Variants in PRKN observed in about 807,000 individuals in gnomAD.
PRKN encodes the protein E3 ubiquitin-protein ligase parkin.
PRKN carries 56 observed loss-of-function variants against 59.5 expected under a neutral mutation model. That is an observed-to-expected ratio of 0.94 (90% CI 0.76 to 1.18). PRKN has a LOEUF of 1.18. Ranked by LOEUF, PRKN falls within the 50% of genes most tolerant of loss-of-function variation. The pLI is 0.00. For synonymous variants in PRKN, 250 were observed against 222.1 expected, an observed-to-expected ratio of 1.13 and a Z score of -1.12; for missense variants, 657 against 596.4, an observed-to-expected ratio of 1.10 and a Z score of -1.06.
At chr6:162,436,604 C>G (rs528080370) in intron 2 of PRKN, among the ~76,000 whole-genome samples, 1 of 142,114 alleles carries the variant, frequency 7.0e-6, no homozygotes, top group African/African-American at 2.8e-5. Flanking sequence ...GCCACTGTGC[C>G]CGATCTGGCT....
intron 9 of PRKN, among the ~76,000 whole-genome samples, chr6:161,515,869 A>C (rs1018799480): frequency 3.3e-5 from 5 of 152,214 alleles, no homozygotes; most frequent in African/African-American, 9.7e-5. Flanking sequence ...GAAAAAAAAG[A>C]GAAGCTAATG....
chr6:161,365,359 T>C (rs1785159094), intron 10 of PRKN, among the ~76,000 whole-genome samples: 1 of 152,192 alleles, frequency 6.6e-6, no homozygotes, highest in South Asian at 2.1e-4. Flanking sequence ...GGCTGAAGTT[T>C]CTGGCTCAGG....
chr6:162,653,108 T>C (rs1238662210), intron 1 of PRKN, among the ~76,000 whole-genome samples: 1 of 152,248 alleles, frequency 6.6e-6, no homozygotes, highest in Non-Finnish European at 1.5e-5. Context: ...TTTGGGTTTC[T>C]TGCTCTAGAG....
intron 1 of PRKN, among the ~76,000 whole-genome samples, chr6:162,556,030 T>C (rs1779555757): frequency 6.8e-6 from 1 of 146,970 alleles, no homozygotes; most frequent in African/African-American, 2.5e-5. Context: ...ATAACTTGAT[T>C]GAGTGAGAAG....
intron 9 of PRKN, among the ~76,000 whole-genome samples, chr6:161,539,812 T>C (rs1298785122): frequency 6.6e-6 from 1 of 152,214 alleles, no homozygotes; most frequent in Non-Finnish European, 1.5e-5. Flanking sequence ...TATGCTCATG[T>C]GCATGGATCC....
intron 6 of PRKN, among the ~76,000 whole-genome samples, chr6:161,841,052 G>A (rs1744001108): frequency 2.0e-5 from 3 of 152,198 alleles, no homozygotes; most frequent in Admixed American, 2.0e-4. Flanking sequence ...ATTTGACCCA[G>A]CAATCCCATT....
Position 161,372,458 on chromosome 6 carries a change from T to C in PRKN, c.1168-12253A>G, listed in dbSNP as rs1194429006. On this transcript the variant is annotated intron_variant, in intron 10 of 11. Transcript: ENST00000366898. The surrounding 1 kb of genome is among the most constrained non-coding windows in gnomAD (Gnocchi z 4.2). ...AGACTATTATTTTTGCTAGAGTGAATGCAGAAATATTTTCATTCAAGAAAC... is the reference window on the plus strand; with the variant it reads ...AGACTATTATTTTTGCTAGAGTGAACGCAGAAATATTTTCATTCAAGAAAC... 6.6e-6 allele frequency among the ~76,000 whole-genome samples: 1 copy of C among 152,240 alleles called. No homozygotes were observed. Among genetic ancestry groups the C allele is most frequent in the African/African-American group, 2.4e-5 (1 of 41,464 alleles).
At chr6:162,686,485 A>C (rs183675304) in intron 1 of PRKN, among the ~76,000 whole-genome samples, 2 of 152,306 alleles carry the variant, frequency 1.3e-5, no homozygotes, top group Admixed American at 6.5e-5. Flanking sequence ...CAAGGTAGGA[A>C]AACCCATTTG....
At chr6:162,684,036 G>C (rs1779874032) in intron 1 of PRKN, among the ~76,000 whole-genome samples, 1 of 152,084 alleles carries the variant, frequency 6.6e-6, no homozygotes, top group Admixed American at 6.5e-5. Flanking sequence ...AGAGTATTTT[G>C]TGCAGTTGGT....
At chr6:161,804,820 G>A (rs1791239868) in intron 6 of PRKN, among the ~76,000 whole-genome samples, 1 of 152,182 alleles carries the variant, frequency 6.6e-6, no homozygotes, top group Admixed American at 6.5e-5. Flanking sequence ...ATCTATTGCT[G>A]TCTATGAGCA....
At position 162,310,740 on chromosome 6, in the gene PRKN, A is replaced by G. The variant is rs111784126; in HGVS notation, c.172-47975T>C. Among the ~76,000 whole-genome samples the G allele has an allele frequency of 4.6e-3, 574 of 124,050 alleles. 9 individuals carry two copies. Among genetic ancestry groups the G allele is most frequent in the South Asian group, 0.036 (129 of 3,600 alleles). 81.4% of individuals were successfully genotyped at this position (124,050 alleles called of 152,430 possible). A position where few individuals can be genotyped will look rare whatever the true frequency, so the allele number is the denominator to read the frequency against. On this transcript the variant is annotated intron_variant, in intron 2 of 11. Coordinates refer to ENST00000366898, the MANE Select transcript of PRKN (RefSeq NM_004562.3). ...GCATATGTACCCTAGAACTTAAATTATAATAAAAATATATATATATAAAAA... is the reference window on the plus strand; with the variant it reads ...GCATATGTACCCTAGAACTTAAATTGTAATAAAAATATATATATATAAAAA...
At chr6:161,977,546 T>TG (rs1562433398) in intron 5 of PRKN, among the ~76,000 whole-genome samples, 1 of 146,024 alleles carries the variant, frequency 6.8e-6, no homozygotes, top group Admixed American at 6.8e-5. Context: ...TTTTTGGTTT[T>TG]TTTTTTTTTT....
rs1180523283 is a variant in PRKN at position 161,874,099 on chromosome 6, T to A, written c.735-88191A>T. Among the ~76,000 whole-genome samples the A allele has an allele frequency of 5.2e-4, 34 of 65,278 alleles. 7 individuals carry two copies. The highest frequency in any genetic ancestry group is 2.4e-3 in the African/African-American group (34 of 13,884). 42.8% of individuals were successfully genotyped at this position (65,278 alleles called of 152,430 possible). ...TATATGTAAAATATAATATATAATA[T>A]ATATTATATGTAAAATATAATATAT... is the stretch of plus-strand genomic sequence containing the variant. On this transcript the variant is annotated intron_variant, in intron 6 of 11. Transcript: ENST00000366898.
At position 161,425,321 on chromosome 6, in the gene PRKN, C is replaced by T. The variant is rs563567222; in HGVS notation, c.1084-38444G>A. 1.2e-4 allele frequency among the ~76,000 whole-genome samples: 18 copies of T among 152,306 alleles called. No homozygotes were observed. The South Asian group carries it at 1.5e-3, about 12-fold the overall frequency. On this transcript the variant is annotated intron_variant, in intron 9 of 11. Transcript: ENST00000366898. ...CTGCATTGAGGTTCTCTACTCACAG[C>T]GTTGCCTTACAACACATCAAAAATG...
At chr6:162,074,904 C>T (rs1778755958) in intron 4 of PRKN, among the ~76,000 whole-genome samples, 1 of 152,170 alleles carries the variant, frequency 6.6e-6, no homozygotes, top group Non-Finnish European at 1.5e-5. Context: ...AGGTACATCA[C>T]AGGGATAGCA....
chr6:161,598,705 C>T (rs1458675592), intron 7 of PRKN, among the ~76,000 whole-genome samples: 1 of 152,152 alleles, frequency 6.6e-6, no homozygotes, highest in African/African-American at 2.4e-5. Context: ...GGATATTTAA[C>T]AATATATGTT....
intron 9 of PRKN, among the ~76,000 whole-genome samples, chr6:161,542,894 T>A (rs568385066): frequency 8.5e-5 from 13 of 152,268 alleles, no homozygotes; most frequent in Admixed American, 3.3e-4. Context: ...TAATCTCTAG[T>A]CTTAAAAAAA....
chr6:162,092,689 T>G lies in PRKN; in HGVS notation c.535-38515A>C, dbSNP rs189179529. ...ATCTGCTGTTTTATGTTTTAATAAC[T>G]TCTATTTCTGATATTTCAAAGTGAT... On this transcript the variant is annotated intron_variant, in intron 4 of 11. Transcript: ENST00000366898. Among the ~76,000 whole-genome samples, 198 of 152,354 alleles carry G rather than the reference T, an allele frequency of 1.3e-3. 3 individuals are homozygous for G. The highest frequency in any genetic ancestry group is 4.5e-3 in the African/African-American group (186 of 41,586).
chr6:161,769,097 A>C (rs1789551247), intron 7 of PRKN, among the ~76,000 whole-genome samples: 1 of 152,232 alleles, frequency 6.6e-6, no homozygotes, highest in Non-Finnish European at 1.5e-5. Flanking sequence ...TCCCTGATTC[A>C]AAGGAATTAA....
Sources: gnomAD v4.1 joint callset for allele counts (sites outside exome capture counted in the v4.1 genomes callset) on GRCh38, gnomAD v4.1.1 for gene constraint, Gnocchi (gnomAD v3.1) non-coding constraint, MANE v1.5 for transcripts, NCBI Gene and HGNC (gene_info 2026-07-23, HGNC 2026-07-21) for gene names.